Variants in RPS29 observed in about 807,000 individuals in gnomAD.
RPS29 encodes the protein small ribosomal subunit protein uS14.
For missense variants in RPS29, 60 were observed against 75.7 expected (o/e 0.79, Z 0.77); for synonymous variants, 37 against 26.9 (o/e 1.37, Z -1.16).
chr14:49,591,949 A>T (rs1881722582), intron 1 of RPS29, among the ~76,000 whole-genome samples: 1 of 152,124 alleles, frequency 6.6e-6, no homozygotes, highest in Non-Finnish European at 1.5e-5. Flanking sequence ...TCCACTTAGC[A>T]AGATTCAATT....
chr14:49,586,822 G>A (rs547257218), upstream of RPS29: 95 of 178,512 alleles, frequency 5.3e-4, no homozygotes, highest in Non-Finnish European at 1.0e-3. Context: ...TAGTGGGATC[G>A]CGCCTGTGAA....
chr14:49,596,898 C>T, intron 1 of RPS29, among the ~76,000 whole-genome samples: 1 of 150,054 alleles, frequency 6.7e-6, no homozygotes, highest in East Asian at 1.9e-4. Context: ...GCCGCCCCGC[C>T]CAACTAATTT....
At chr14:49,592,094 TTA>T (rs1245222436) in intron 1 of RPS29, 3 of 152,214 alleles carry the variant, frequency 2.0e-5, no homozygotes, top group African/African-American at 7.2e-5. Context: ...TTATAAATAC[TTA>T]TGTATAAGGA....
At chr14:49,586,574 C>T (rs147140275), upstream of RPS29, 9 of 556,966 alleles carry the variant, frequency 1.6e-5, no homozygotes, top group South Asian at 4.2e-5. Context: ...GCGCCGGTAT[C>T]CGACCGCCGG....
chr14:49,580,139 C>A (rs1179956680), downstream of RPS29, among the ~76,000 whole-genome samples: 1 of 152,204 alleles, frequency 6.6e-6, no homozygotes, highest in East Asian at 1.9e-4. Context: ...ACCAGGCCAT[C>A]ACACTGGACC....
At position 49,597,050 on chromosome 14, in the gene RPS29, G is replaced by A. The variant is rs566282788; in HGVS notation, c.-133+1350C>T. Among the ~76,000 whole-genome samples the A allele has an allele frequency of 9.2e-5, 14 of 151,890 alleles. No individual in the cohort carries two copies. The South Asian group carries it at 2.5e-3, about 27-fold the overall frequency. The stretch of plus-strand genomic sequence containing the variant: ...CTGCCTCAGCTTCCCGGGTAGCTGG[G>A]ACTACAGGTGCGCGCCAACACTCTG... On this transcript the variant is annotated intron_variant, in intron 1 of 3. Transcript: ENST00000556230.
intron 1 of RPS29, among the ~76,000 whole-genome samples, chr14:49,595,432 T>TA (rs1268130355): frequency 6.6e-6 from 1 of 150,994 alleles, no homozygotes; most frequent in African/African-American, 2.4e-5. Flanking sequence ...TAGCAAAAAG[T>TA]AAAAAAACAA....
chr14:49,594,915 T>G (rs1881786912), intron 1 of RPS29, among the ~76,000 whole-genome samples: 2 of 152,212 alleles, frequency 1.3e-5, no homozygotes. Flanking sequence ...TGAACTCTGT[T>G]CATTGAACAG....
intron 2 of RPS29, among the ~76,000 whole-genome samples, chr14:49,585,079 T>C (rs924453309): frequency 7.9e-5 from 12 of 151,584 alleles, no homozygotes; most frequent in African/African-American, 2.9e-4. Flanking sequence ...CTTTCAAACA[T>C]TTTGGGTTGG....
intron 2 of RPS29, chr14:49,577,870 G>A: frequency 6.4e-7 from 1 of 1,572,270 alleles, no homozygotes; most frequent in Non-Finnish European, 8.6e-7. Flanking sequence ...TGGTAAAAGA[G>A]GACCCATAAA....
At chr14:49,597,408 C>T (rs563816652) in intron 1 of RPS29, 1 of 152,090 alleles carries the variant, frequency 6.6e-6, no homozygotes, top group African/African-American at 2.4e-5. Flanking sequence ...GTTTTCCTAG[C>T]TCCCAACTGT....
chr14:49,585,750 AC>A, intron 2 of RPS29, 199 bp downstream of exon 2: 1 of 574,174 alleles, frequency 1.7e-6, no homozygotes. Context: ...TAAGTCCTTC[AC>A]CTTCTCCATT....
Position 49,583,619 on chromosome 14 carries a change from G to T in RPS29, c.*48C>A. ...ATTTTATATACAAAGAATTATCATG[G>T]TTTTTCATTGAGTAGATGCCCCGGA... On this transcript the variant is annotated 3_prime_UTR_variant, in exon 3 of 3. Coordinates refer to ENST00000245458, the MANE Select transcript of RPS29 (RefSeq NM_001032.5). The T allele has an allele frequency of 6.4e-7, 1 of 1,569,584 alleles. No homozygotes were observed. The highest frequency in any genetic ancestry group is 8.6e-7 in the Non-Finnish European group (1 of 1,161,172).
chr14:49,584,318 C>T (rs1303367043), intron 2 of RPS29, among the ~76,000 whole-genome samples: 8 of 152,238 alleles, frequency 5.3e-5, no homozygotes, highest in African/African-American at 1.9e-4. Context: ...GGCCAAGGTC[C>T]ATTTTCTTAC....
chr14:49,587,977 T>A (rs1482784296), upstream of RPS29, among the ~76,000 whole-genome samples: 1 of 152,172 alleles, frequency 6.6e-6, no homozygotes, highest in East Asian at 1.9e-4. Context: ...AATGAAAAGG[T>A]ATTTTATTTT....
chr14:49,582,014 A>C (rs922985672), downstream of RPS29, among the ~76,000 whole-genome samples: 137 of 47,644 alleles, frequency 2.9e-3, no homozygotes, highest in African/African-American at 5.6e-3. Context: ...CTGCCCCCCA[A>C]AAAAAAAAAA....
At chr14:49,594,757 G>A (rs1177426485) in intron 1 of RPS29, among the ~76,000 whole-genome samples, 1 of 152,202 alleles carries the variant, frequency 6.6e-6, no homozygotes, top group Admixed American at 6.5e-5. Context: ...GCAGGTTTCA[G>A]ACATATACAT....
At chr14:49,597,150 G>A (rs954247113) in intron 1 of RPS29, among the ~76,000 whole-genome samples, 1 of 152,068 alleles carries the variant, frequency 6.6e-6, no homozygotes, top group African/African-American at 2.4e-5. Flanking sequence ...CCGACCTCAG[G>A]CGATTCTCCC....
At chr14:49,575,400 G>C (rs1027318497) in exon 3 of RPS29, 1 of 152,224 alleles carries the variant, frequency 6.6e-6, no homozygotes, top group African/African-American at 2.4e-5. Flanking sequence ...AGTGACAGAA[G>C]GAAGGGGAAG....
Sources: allele counts gnomAD v4.1 joint callset (sites outside exome capture counted in the v4.1 genomes callset), GRCh38; gene constraint gnomAD v4.1.1; transcripts MANE v1.5; gene names NCBI Gene and HGNC (gene_info 2026-07-23, HGNC 2026-07-21).